The following ASPA variants were observed in gnomAD, a reference collection of about 807,000 sequenced individuals.
ASPA encodes the protein aspartoacylase, also known as ACY-2.
ASPA carries 25 observed loss-of-function variants against 29.6 expected under a neutral mutation model. The observed-to-expected ratio is 0.85, with a 90% CI of 0.62 to 1.18. The LOEUF (loss-of-function observed/expected upper bound fraction) is 1.18, where lower values mean the gene tolerates loss of function less well. Ranked by LOEUF, ASPA falls within the 50% of genes most tolerant of loss-of-function variation. The probability of loss-of-function intolerance (pLI) is 0.00; values close to 1 mark genes in which losing one functional copy is unlikely to be tolerated. For missense variants in ASPA, 333 were observed against 385.7 expected (o/e 0.86, Z 1.14); for synonymous variants, 131 against 130.3 (o/e 1.01, Z -0.04).
chr17:3,497,871 C>G lies in ASPA; in HGVS notation c.745-1020C>G, dbSNP rs1466422341. Among the ~76,000 whole-genome samples, 4 of 152,142 alleles carry G rather than the reference C, an allele frequency of 2.6e-5. No homozygotes were observed. In the East Asian group the frequency reaches 7.7e-4, roughly 29 times the overall value. On this transcript the variant is annotated intron_variant, in intron 5 of 5. Coordinates refer to ENST00000263080, the MANE Select transcript of ASPA (RefSeq NM_000049.4). Reference sequence around the variant, plus strand: ...CACCCCCAACCTATAGAATCAGAATCTTCATCTTAACAAAATCCCCAGATG... The same window carrying G: ...CACCCCCAACCTATAGAATCAGAATGTTCATCTTAACAAAATCCCCAGATG...
chr17:3,493,418 G>A (rs375229165), intron 4 of ASPA, among the ~76,000 whole-genome samples: 6 of 151,850 alleles, frequency 4.0e-5, no homozygotes, highest in African/African-American at 9.7e-5. Flanking sequence ...AAAATTAGCC[G>A]GGCGTGGTGG....
intron 1 of ASPA, among the ~76,000 whole-genome samples, chr17:3,479,279 A>G (rs2073586070): frequency 6.6e-6 from 1 of 152,158 alleles, no homozygotes; most frequent in Admixed American, 6.6e-5. Flanking sequence ...TCCAGACTTG[A>G]CTCTGAGCAA....
intron 1 of ASPA, among the ~76,000 whole-genome samples, chr17:3,477,140 G>A (rs543538511): frequency 1.3e-3 from 192 of 152,112 alleles, no homozygotes; most frequent in African/African-American, 4.2e-3. Context: ...GGGAGACAGA[G>A]CAAGACTCCG....
At chr17:3,495,124 G>A (rs2073888468) in intron 5 of ASPA, among the ~76,000 whole-genome samples, 1 of 152,032 alleles carries the variant, frequency 6.6e-6, no homozygotes, top group African/African-American at 2.4e-5. Context: ...GAATGTAGGA[G>A]GTTTAAATCC....
At chr17:3,482,764 G>A (rs989973932) in intron 2 of ASPA, among the ~76,000 whole-genome samples, 8 of 143,260 alleles carry the variant, frequency 5.6e-5, no homozygotes, top group Admixed American at 4.4e-4. Flanking sequence ...ATAATGTAGC[G>A]ATTCTTTTTT....
intron 1 of ASPA, among the ~76,000 whole-genome samples, chr17:3,477,607 C>G (rs2073549268): frequency 6.6e-6 from 1 of 151,998 alleles, no homozygotes; most frequent in Admixed American, 6.6e-5. Flanking sequence ...CACTTGCCAC[C>G]ATGTCCGGGT....
intron 2 of ASPA, among the ~76,000 whole-genome samples, chr17:3,482,828 T>C (rs536044417): frequency 2.4e-4 from 30 of 122,832 alleles, no homozygotes; most frequent in African/African-American, 6.3e-4. Context: ...TTAGGGTACA[T>C]GTGCACCATG....
rs1278404446 is a variant in ASPA, at chr17:3,481,738, C to T, written c.372C>T (p.Cys124=). The part of the protein sequence containing the change: ...DLHNTTSNMG[C]TLILEDSRNN... The stretch of plus-strand genomic sequence containing the variant: ...ACAACACCACCTCTAACATGGGGTG[C>T]ACTCTTATTCTTGAGGATTCCAGGA... The change falls in exon 2 of 6, where the codon TGC becomes TGT. Residue 124 remains cysteine, a synonymous_variant. Transcript: ENST00000263080. 11 of 1,613,424 alleles carry T rather than the reference C, an allele frequency of 6.8e-6. No homozygotes were observed. The highest frequency in any genetic ancestry group is 1.7e-5 in the Admixed American group (1 of 59,970).
intron 3 of ASPA, among the ~76,000 whole-genome samples, chr17:3,486,406 G>A (rs1465359356): frequency 6.6e-6 from 1 of 152,170 alleles, no homozygotes; most frequent in Non-Finnish European, 1.5e-5. Context: ...GAAGATCCAT[G>A]AAGAATCCTC....
At chr17:3,489,576 G>A (rs546256613) in intron 4 of ASPA, among the ~76,000 whole-genome samples, 8 of 148,436 alleles carry the variant, frequency 5.4e-5, no homozygotes, top group East Asian at 4.0e-4. Flanking sequence ...AAGAAAAGAC[G>A]AGAAAATACA....
upstream of ASPA, among the ~76,000 whole-genome samples, chr17:3,474,928 C>G (rs970989746): frequency 2.4e-4 from 37 of 152,196 alleles, no homozygotes; most frequent in Admixed American, 5.2e-4. Flanking sequence ...CCTGCAGAAC[C>G]TTAACTGAGT....
Position 3,491,745 on chromosome 17 carries a change from CAAAA to C in ASPA, c.634+2412_634+2415del, listed in dbSNP as rs780884527. Among the ~76,000 whole-genome samples, 297 of 147,524 alleles carry C rather than the reference CAAAA, an allele frequency of 2.0e-3. 3 individuals are homozygous for C. The highest frequency in any genetic ancestry group is 5.9e-3 in the African/African-American group (231 of 39,436). Reference sequence around the variant, plus strand: ...CCTCGGTGACAGAGTGAGACTGTCTCAAAAAAAAAAAAGAAAGAAAGAAAGAAGT... The same window carrying C: ...CCTCGGTGACAGAGTGAGACTGTCTCAAAAAAAAGAAAGAAAGAAAGAAGT... On this transcript the variant is annotated intron_variant, in intron 4 of 5. Transcript: ENST00000263080.
At chr17:3,478,464 G>T (rs560095791) in intron 1 of ASPA, among the ~76,000 whole-genome samples, 174 of 152,286 alleles carry the variant, frequency 1.1e-3, no homozygotes, top group Non-Finnish European at 1.8e-3. Flanking sequence ...CATGACTGAG[G>T]TTATGTCAAC....
rs1173352103 is a variant in ASPA at position 3,489,338 on chromosome 17, T to C, written c.630T>C (p.Asn210=). ...CTCTTGATTTTATACATCATTTCAA[T>C]GAAGGTAAGTAATAATGAAGGTAAC... ...KHALDFIHHF[N]EGKEFPPCAI... Residue 210 remains asparagine (N), a synonymous_variant, in exon 4 of 6, where the codon AAT becomes AAC. Transcript: ENST00000263080. 25 of 1,593,792 alleles carry C rather than the reference T, an allele frequency of 1.6e-5. No individual in the cohort carries two copies. Among genetic ancestry groups the C allele is most frequent in the Non-Finnish European group, 2.1e-5 (24 of 1,161,950 alleles).
chr17:3,477,128 C>A (rs1415981368), intron 1 of ASPA, among the ~76,000 whole-genome samples: 1 of 151,916 alleles, frequency 6.6e-6, no homozygotes, highest in Non-Finnish European at 1.5e-5. Context: ...GCACTCCAGC[C>A]TGGGAGACAG....
In ASPA at chr17:3,490,985, C is replaced by A. The variant is rs1006445555; in HGVS notation, c.634+1643C>A. On this transcript the variant is annotated intron_variant, in intron 4 of 5. Coordinates refer to ENST00000263080, the MANE Select transcript of ASPA (RefSeq NM_000049.4). This position sits in a 1 kb window ranked among gnomAD's most constrained non-coding sequence, Gnocchi z 4.6. ...TAGACTATCCAGCTTGGTGGATTTTCAACTGAGCACTCCTATCCACAGAAT... is the reference window on the plus strand; with the variant it reads ...TAGACTATCCAGCTTGGTGGATTTTAAACTGAGCACTCCTATCCACAGAAT... Among the ~76,000 whole-genome samples, 1 of 152,174 alleles carries A rather than the reference C, an allele frequency of 6.6e-6. No homozygotes were observed. The highest frequency in any genetic ancestry group is 1.5e-5 in the Non-Finnish European group (1 of 68,032).
At chr17:3,491,687 G>T (rs574092945) in intron 4 of ASPA, among the ~76,000 whole-genome samples, 42 of 151,970 alleles carry the variant, frequency 2.8e-4, no homozygotes, top group Non-Finnish European at 4.0e-4. Flanking sequence ...GGCAGAGATT[G>T]CAGTGAGCCG....
chr17:3,477,688 A>T (rs1219780482), intron 1 of ASPA, among the ~76,000 whole-genome samples: 2 of 152,072 alleles, frequency 1.3e-5, no homozygotes, highest in Non-Finnish European at 2.9e-5. Flanking sequence ...TCCTGGCCTC[A>T]GGTGATCTGC....
intron 4 of ASPA, among the ~76,000 whole-genome samples, chr17:3,493,560 CAAAAAAAAAAAA>C (rs746229421): frequency 3.5e-5 from 2 of 56,384 alleles, no homozygotes; most frequent in Non-Finnish European, 3.1e-5. Context: ...GGTTCCATCT[CAAAAAAAAAAAA>C]AAAAAAAAAA....
Sources: gnomAD v4.1 joint callset for allele counts (sites outside exome capture counted in the v4.1 genomes callset) on GRCh38, gnomAD v4.1.1 for gene constraint, Gnocchi (gnomAD v3.1) non-coding constraint, MANE v1.5 for transcripts, NCBI Gene and HGNC (gene_info 2026-07-23, HGNC 2026-07-21) for gene names.